METTL16: variants seen among roughly 807,000 people sequenced by gnomAD.
METTL16 encodes the protein RNA N(6)-adenosine-methyltransferase METTL16.
METTL16 carries 19 observed loss-of-function variants against 57.9 expected under a neutral mutation model. The ratio of observed to expected loss-of-function variants is 0.33; its 90% CI spans 0.23 to 0.48. The LOEUF is 0.48. Among genes scored for constraint, METTL16 ranks in the 20% least tolerant of loss-of-function variants. The pLI is 0.99. For synonymous variants in METTL16, 246 were observed against 255.6 expected, an observed-to-expected ratio of 0.96 and a Z score of 0.36; for missense variants, 434 against 691.5, an observed-to-expected ratio of 0.63 and a Z score of 4.18.
intron 2 of METTL16, among the ~76,000 whole-genome samples, chr17:2,479,267 A>T (rs1380562347): frequency 4.6e-5 from 7 of 151,006 alleles, no homozygotes; most frequent in Non-Finnish European, 8.8e-5. Context: ...CCCAGGCTCA[A>T]GTGACCCTCC....
At chr17:2,490,157 C>T (rs1389966669) in intron 2 of METTL16, among the ~76,000 whole-genome samples, 1 of 152,162 alleles carries the variant, frequency 6.6e-6, no homozygotes, top group Non-Finnish European at 1.5e-5. Context: ...GATATGCACG[C>T]AGGTGGGTAG....
chr17:2,487,002 T>C (rs1181472674), intron 2 of METTL16, among the ~76,000 whole-genome samples: 25 of 12,648 alleles, frequency 2.0e-3, no homozygotes, highest in Non-Finnish European at 4.0e-3. Flanking sequence ...AGATCCTGTC[T>C]CAAAAAAAAA....
chr17:2,485,713 G>C (rs1210675319), intron 2 of METTL16, among the ~76,000 whole-genome samples: 1 of 152,186 alleles, frequency 6.6e-6, no homozygotes, highest in Non-Finnish European at 1.5e-5. Flanking sequence ...TATGTGCCAG[G>C]TATTACGCAA....
At chr17:2,443,538 G>A (rs1339128437) in intron 6 of METTL16, among the ~76,000 whole-genome samples, 3 of 149,306 alleles carry the variant, frequency 2.0e-5, no homozygotes, top group Admixed American at 1.3e-4. Context: ...CCAGGCTGGA[G>A]TGCAGTAGCA....
chr17:2,443,809 T>A (rs546960543), intron 6 of METTL16, among the ~76,000 whole-genome samples: 1 of 152,294 alleles, frequency 6.6e-6, no homozygotes, highest in Admixed American at 6.5e-5. Context: ...TTATTTCTTA[T>A]AATGATAAGA....
intron 6 of METTL16, among the ~76,000 whole-genome samples, chr17:2,447,615 C>A (rs1341547329): frequency 9.4e-6 from 1 of 106,198 alleles, no homozygotes; most frequent in Non-Finnish European, 1.9e-5. Flanking sequence ...CCGCCCAGTC[C>A]GGGAGGTGAG....
chr17:2,429,005 TGC>T (rs955797214), intron 8 of METTL16, among the ~76,000 whole-genome samples: 1 of 151,508 alleles, frequency 6.6e-6, no homozygotes, highest in African/African-American at 2.4e-5. Flanking sequence ...ACTACAGGTA[TGC>T]GCCACCAGGC....
chr17:2,419,571 C>A lies in METTL16; in HGVS notation c.*399G>T, dbSNP rs1304436256. ...CAGCTGGAGGCAGAGAGAGCCACCC[C>A]TCCTCAAGAAACACCCTTGGGTGAC... is the stretch of plus-strand genomic sequence containing the variant. On this transcript the variant is annotated 3_prime_UTR_variant, in exon 10 of 10. Coordinates refer to ENST00000263092, the MANE Select transcript of METTL16 (RefSeq NM_024086.4). The A allele has an allele frequency of 2.2e-6, 1 of 461,768 alleles. No individual in the cohort carries two copies. Among genetic ancestry groups the A allele is most frequent in the Non-Finnish European group, 4.3e-6 (1 of 231,418 alleles). The allele number at this position is 461,768 out of a possible 1,614,324, so 28.6% of individuals were successfully genotyped here. A position where few individuals can be genotyped will look rare whatever the true frequency, so the allele number is the denominator to read the frequency against.
intron 6 of METTL16, among the ~76,000 whole-genome samples, chr17:2,448,443 T>C (rs375782551): frequency 3.9e-4 from 15 of 38,090 alleles, no homozygotes; most frequent in East Asian, 1.1e-3. Context: ...TGTGACCTTA[T>C]CCCCAACCCT....
intron 7 of METTL16, among the ~76,000 whole-genome samples, chr17:2,438,691 G>A (rs1000991463): frequency 1.8e-4 from 28 of 152,044 alleles, no homozygotes; most frequent in African/African-American, 6.5e-4. Flanking sequence ...TAGTAGAGAT[G>A]GGGTTTCACC....
At chr17:2,511,718 C>G (rs997313232) in intron 1 of METTL16, 41 bp downstream of exon 1, 16 of 397,296 alleles carry the variant, frequency 4.0e-5, no homozygotes, top group Non-Finnish European at 6.6e-5. Context: ...GGTTAAGTGA[C>G]CCATGATAGT....
intron 6 of METTL16, among the ~76,000 whole-genome samples, chr17:2,452,743 A>G (rs2067080265): frequency 6.6e-6 from 1 of 152,152 alleles, no homozygotes; most frequent in African/African-American, 2.4e-5. Flanking sequence ...TTCTGTGTGT[A>G]TGTGTTTTTT....
chr17:2,449,871 C>T (rs2067055467), intron 6 of METTL16, among the ~76,000 whole-genome samples: 1 of 152,104 alleles, frequency 6.6e-6, no homozygotes, highest in Admixed American at 6.6e-5. Flanking sequence ...ACAGGAATGG[C>T]CAATAAGCAC....
chr17:2,488,046 T>C (rs2067356741), intron 2 of METTL16, among the ~76,000 whole-genome samples: 1 of 151,346 alleles, frequency 6.6e-6, no homozygotes, highest in Non-Finnish European at 1.5e-5. Context: ...AATCATGCAG[T>C]ACACCTTAAA....
chr17:2,437,282 T>A (rs902441369), intron 8 of METTL16, among the ~76,000 whole-genome samples: 1 of 152,112 alleles, frequency 6.6e-6, no homozygotes, highest in African/African-American at 2.4e-5. Context: ...ATGGTTAAGA[T>A]TCTAGTGCTA....
chr17:2,501,832 T>C (rs1861395079), intron 2 of METTL16, among the ~76,000 whole-genome samples: 1 of 149,562 alleles, frequency 6.7e-6, no homozygotes, highest in Non-Finnish European at 1.5e-5. Context: ...TACTCTAGCC[T>C]GGGCAACAGA....
intron 6 of METTL16, among the ~76,000 whole-genome samples, chr17:2,446,622 CTCCACGG>C (rs1256938754): frequency 2.6e-5 from 4 of 151,506 alleles, no homozygotes; most frequent in African/African-American, 7.3e-5. Flanking sequence ...CTCCCTCTCC[CTCCACGG>C]TCTCCTTCCA....
At chr17:2,486,409 C>T (rs1174849723) in intron 2 of METTL16, among the ~76,000 whole-genome samples, 4 of 151,830 alleles carry the variant, frequency 2.6e-5, no homozygotes, top group African/African-American at 7.2e-5. Flanking sequence ...GTAGCTGGGA[C>T]TACAGGCATG....
chr17:2,477,442 C>T, intron 3 of METTL16: 1 of 464,082 alleles, frequency 2.2e-6, no homozygotes, highest in Non-Finnish European at 3.9e-6. Flanking sequence ...TATTTACAGG[C>T]TGAACATCCC....
Sources: allele counts gnomAD v4.1 joint callset (sites outside exome capture counted in the v4.1 genomes callset), GRCh38; gene constraint gnomAD v4.1.1; transcripts MANE v1.5; gene names NCBI Gene and HGNC (gene_info 2026-07-23, HGNC 2026-07-21).